The following IQCH variants were observed in gnomAD, a reference collection of about 807,000 sequenced individuals.
IQCH encodes the protein IQ domain-containing protein H.
In IQCH, 98 loss-of-function variants were observed where a neutral mutation model predicts 117.0. The ratio of observed to expected loss-of-function variants is 0.84; its 90% CI spans 0.71 to 0.99. The LOEUF (loss-of-function observed/expected upper bound fraction) is 0.99. Ranked by LOEUF, IQCH falls within the 50% of genes least tolerant of loss-of-function variation. The pLI, the probability that IQCH is intolerant of heterozygous loss-of-function variation, is 0.00. For synonymous variants in IQCH, 412 were observed against 448.2 expected (o/e 0.92, Z 1.02); for missense variants, 1,102 against 1,243.8 (o/e 0.89, Z 1.72).
At chr15:67,389,429 A>T (rs984728813) in intron 12 of IQCH, among the ~76,000 whole-genome samples, 1 of 152,004 alleles carries the variant, frequency 6.6e-6, no homozygotes, top group Non-Finnish European at 1.5e-5. Flanking sequence ...CCTGAGGGGA[A>T]TTTGGCTCGA....
intron 18 of IQCH, among the ~76,000 whole-genome samples, chr15:67,487,764 G>A (rs2083531572): frequency 6.6e-6 from 1 of 152,124 alleles, no homozygotes; most frequent in African/African-American, 2.4e-5. Context: ...GATAAAGTGG[G>A]AAGTTGATGA....
chr15:67,259,145 T>C (rs904525268), intron 1 of IQCH, among the ~76,000 whole-genome samples: 2 of 152,242 alleles, frequency 1.3e-5, no homozygotes, highest in African/African-American at 4.8e-5. Flanking sequence ...TCCTATGTGC[T>C]TAACACTATA....
At chr15:67,415,729 T>C (rs2081560103) in intron 14 of IQCH, among the ~76,000 whole-genome samples, 1 of 152,168 alleles carries the variant, frequency 6.6e-6, no homozygotes, top group Non-Finnish European at 1.5e-5. Context: ...TACTGCACCA[T>C]CACTCAGATT....
rs922766624 is a variant in IQCH, at chr15:67,463,730, A to G, written c.2506-1397A>G. On this transcript the variant is annotated intron_variant, in intron 16 of 20. Transcript: ENST00000335894. This position sits in a 1 kb window ranked among gnomAD's most constrained non-coding sequence, Gnocchi z 4.0. ...AGCCCTGATTTCATTAGACAAACCC[A>G]GTCTGTCCTTTCTTTCTGCTTCAGT... Among the ~76,000 whole-genome samples, 1 of 152,234 alleles carries G rather than the reference A, an allele frequency of 6.6e-6. No homozygotes were observed. Among genetic ancestry groups the G allele is most frequent in the African/African-American group, 2.4e-5 (1 of 41,466 alleles).
At chr15:67,400,491 C>CCTTTTTTTTT (rs1555481880) in intron 14 of IQCH, among the ~76,000 whole-genome samples, 186 bp downstream of exon 14, 6 of 115,598 alleles carry the variant, frequency 5.2e-5, no homozygotes, top group Non-Finnish European at 6.9e-5. Context: ...TCTTTTTTTT[C>CCTTTTTTTTT]TTTTTTTTTT....
chr15:67,451,660 G>A (rs1250222124), intron 16 of IQCH, among the ~76,000 whole-genome samples: 1 of 152,144 alleles, frequency 6.6e-6, no homozygotes, highest in Non-Finnish European at 1.5e-5. Flanking sequence ...GGTCAATTTT[G>A]GAGTAGGTGT....
chr15:67,461,822 T>C (rs952758917), intron 16 of IQCH, among the ~76,000 whole-genome samples: 2 of 152,022 alleles, frequency 1.3e-5, no homozygotes, highest in Admixed American at 1.3e-4. Context: ...CTGGATTGAG[T>C]TGTGAGGTTG....
At chr15:67,257,796 A>G (rs1452521268) in intron 1 of IQCH, among the ~76,000 whole-genome samples, 1 of 152,274 alleles carries the variant, frequency 6.6e-6, no homozygotes, top group Non-Finnish European at 1.5e-5. Context: ...TTTAATTAAA[A>G]TCCAACAATT....
rs2414958 is a variant in IQCH, at chr15:67,465,888, A to G, written c.2676+591A>G. 0.87 allele frequency among the ~76,000 whole-genome samples: 132,214 copies of G among 152,182 alleles called. 57,514 individuals are homozygous for G. The highest frequency in any genetic ancestry group is 0.91 in the African/African-American group (37,714 of 41,526). On this transcript the variant is annotated intron_variant, in intron 17 of 20. Transcript: ENST00000335894. The surrounding 1 kb of genome is among the most constrained non-coding windows in gnomAD (Gnocchi z 5.9). ...AGATAGTGTCTTAGTGTCGGCTTCC[A>G]CCATCTCACACCTGTATTCCTCCTA...
At chr15:67,489,470 C>T (rs2083587836) in intron 18 of IQCH, among the ~76,000 whole-genome samples, 1 of 152,114 alleles carries the variant, frequency 6.6e-6, no homozygotes, top group South Asian at 2.1e-4. Context: ...GACCACCATG[C>T]TACTTTTCAC....
Position 67,303,999 on chromosome 15 carries a change from T to C in IQCH, c.387+24487T>C, listed in dbSNP as rs189062259. 5.5e-4 allele frequency among the ~76,000 whole-genome samples: 83 copies of C among 152,214 alleles called. 1 individual carries two copies. The highest frequency in any genetic ancestry group is 6.8e-3 in the Middle Eastern group (2 of 294). On this transcript the variant is annotated intron_variant, in intron 4 of 20. Transcript: ENST00000335894. ...TGTAGTATAGATTTCATTGACAAAA[T>C]CCTTGACCTGGAAAGCTAAAAAGAA... is the stretch of plus-strand genomic sequence containing the variant.
chr15:67,352,190 G>C (rs1969691608), intron 6 of IQCH, among the ~76,000 whole-genome samples: 1 of 151,732 alleles, frequency 6.6e-6, no homozygotes, highest in African/African-American at 2.4e-5. Context: ...ACTTATCAAA[G>C]TCTAAAGTTA....
intron 3 of IQCH, among the ~76,000 whole-genome samples, chr15:67,278,370 C>T (rs1438360328): frequency 1.3e-5 from 2 of 152,304 alleles, no homozygotes; most frequent in South Asian, 2.1e-4. Context: ...GATTCTCCTC[C>T]CTGCCCCCAA....
At chr15:67,330,745 A>G (rs1309070013) in intron 4 of IQCH, among the ~76,000 whole-genome samples, 1 of 152,198 alleles carries the variant, frequency 6.6e-6, no homozygotes, top group Non-Finnish European at 1.5e-5. Context: ...GATAAACTGT[A>G]TGCTTTGGCT....
intron 12 of IQCH, among the ~76,000 whole-genome samples, chr15:67,394,771 A>G (rs1354403730): frequency 2.0e-5 from 3 of 152,200 alleles, no homozygotes; most frequent in Non-Finnish European, 4.4e-5. Flanking sequence ...TAATCATTAT[A>G]AAAGTGCATA....
rs904360975 is a variant in IQCH at position 67,474,285 on chromosome 15, T to C, written c.2677-1411T>C. ...CCAGACCAGCAGCACCTCCTTTGCCTACTCCTTTTCCAGGTCACTGCATAA... is the reference window on the plus strand; with the variant it reads ...CCAGACCAGCAGCACCTCCTTTGCCCACTCCTTTTCCAGGTCACTGCATAA... On this transcript the variant is annotated intron_variant, in intron 17 of 20. Coordinates refer to ENST00000335894, the MANE Select transcript of IQCH (RefSeq NM_001031715.3). This position sits in a 1 kb window ranked among gnomAD's most constrained non-coding sequence, Gnocchi z 4.1. Among the ~76,000 whole-genome samples, 1 of 152,120 alleles carries C rather than the reference T, an allele frequency of 6.6e-6. No homozygotes were observed. Among genetic ancestry groups the C allele is most frequent in the African/African-American group, 2.4e-5 (1 of 41,430 alleles).
At chr15:67,357,803 C>T (rs1018587425) in intron 7 of IQCH, among the ~76,000 whole-genome samples, 2 of 152,100 alleles carry the variant, frequency 1.3e-5, no homozygotes, top group African/African-American at 4.8e-5. Flanking sequence ...AAGGCAAGAT[C>T]TCCAAACATA....
chr15:67,316,514 A>G (rs956425958), intron 4 of IQCH, among the ~76,000 whole-genome samples: 4 of 152,196 alleles, frequency 2.6e-5, no homozygotes, highest in African/African-American at 9.7e-5. Context: ...CCATTTATCC[A>G]TAGTTTAAAG....
At chr15:67,398,590 A>G (rs1971541052) in intron 13 of IQCH, among the ~76,000 whole-genome samples, 1 of 152,194 alleles carries the variant, frequency 6.6e-6, no homozygotes. Flanking sequence ...ACTGCCATGT[A>G]GTATAGTATC....
Sources: gnomAD v4.1 joint callset for allele counts (sites outside exome capture counted in the v4.1 genomes callset) on GRCh38, gnomAD v4.1.1 for gene constraint, Gnocchi (gnomAD v3.1) non-coding constraint, MANE v1.5 for transcripts, NCBI Gene and HGNC (gene_info 2026-07-23, HGNC 2026-07-21) for gene names.